The following MYO3B variants were observed in gnomAD, a reference collection of about 807,000 sequenced individuals.
The protein encoded by MYO3B is myosin IIIB.
A neutral mutation model predicts 174.6 loss-of-function variants in MYO3B; 156 were observed. That is an observed-to-expected ratio of 0.89 (90% confidence interval 0.78 to 1.02). The LOEUF (loss-of-function observed/expected upper bound fraction) is 1.02. MYO3B is among the 50% of genes least tolerant of loss of function. The pLI is 0.00. For missense variants in MYO3B, 1,632 were observed against 1,639.4 expected, an observed-to-expected ratio of 1.00 and a Z score of 0.08; for synonymous variants, 563 against 569.1, an observed-to-expected ratio of 0.99 and a Z score of 0.15.
chr2:170,614,217 A>C (rs919764759), intron 32 of MYO3B, among the ~76,000 whole-genome samples: 1 of 152,056 alleles, frequency 6.6e-6, no homozygotes, highest in African/African-American at 2.4e-5. Context: ...TAAGTGATTT[A>C]TTTTTTTCTG....
At chr2:170,318,151 A>G (rs1271071552) in intron 7 of MYO3B, among the ~76,000 whole-genome samples, 1 of 152,338 alleles carries the variant, frequency 6.6e-6, no homozygotes, top group East Asian at 1.9e-4. Context: ...TAAAATATAA[A>G]GCATCATTAG....
intron 22 of MYO3B, among the ~76,000 whole-genome samples, chr2:170,427,595 A>C (rs1466854249): frequency 6.6e-6 from 1 of 152,180 alleles, no homozygotes; most frequent in East Asian, 1.9e-4. Flanking sequence ...AATGCTGGCC[A>C]ATTGGGCACA....
intron 22 of MYO3B, among the ~76,000 whole-genome samples, chr2:170,439,175 A>G (rs1490986842): frequency 6.7e-6 from 1 of 149,906 alleles, no homozygotes; most frequent in Non-Finnish European, 1.5e-5. Flanking sequence ...GATTGAGTCC[A>G]GCCTGGCTAA....
At chr2:170,582,890 T>G (rs16858799) in intron 32 of MYO3B, among the ~76,000 whole-genome samples, 9,851 of 151,890 alleles carry the variant, frequency 0.065, 577 homozygotes, top group African/African-American at 0.15. Flanking sequence ...TCTCTGGAGG[T>G]CAACAGATCC....
chr2:170,563,344 C>A lies in MYO3B; in HGVS notation c.3733+19356C>A, dbSNP rs547679104. 3.9e-5 allele frequency among the ~76,000 whole-genome samples: 6 copies of A among 152,176 alleles called. No individual in the cohort carries two copies. The South Asian group carries it at 1.2e-3, about 32-fold the overall frequency. ...CCATTACCACATACACGTAAAGGAG[C>A]AAGAAGAGAGCATGGCATCTGGAAT... On this transcript the variant is annotated intron_variant, in intron 32 of 34. Transcript: ENST00000408978.
In MYO3B at chr2:170,189,335, A is replaced by G. The variant is rs143217486; in HGVS notation, c.3-9873A>G. 4.3e-3 allele frequency among the ~76,000 whole-genome samples: 654 copies of G among 152,040 alleles called. 32 individuals are homozygous for G. In the East Asian group the frequency reaches 0.096, roughly 22 times the overall value. ...GGTTAAATCAGCTTGGTGTTCTATA[A>G]TCTTCTTGTACTTGAATATTGATAT... is the stretch of plus-strand genomic sequence containing the variant. On this transcript the variant is annotated intron_variant, in intron 1 of 34. Coordinates refer to ENST00000408978, the MANE Select transcript of MYO3B (RefSeq NM_138995.5).
At chr2:170,271,148 A>G (rs549854405) in intron 7 of MYO3B, among the ~76,000 whole-genome samples, 1 of 152,304 alleles carries the variant, frequency 6.6e-6, no homozygotes, top group East Asian at 1.9e-4. Flanking sequence ...GAAATGAGAA[A>G]GACTTCTTCC....
intron 22 of MYO3B, among the ~76,000 whole-genome samples, chr2:170,439,394 AT>A (rs142181495): frequency 6.6e-6 from 1 of 151,450 alleles, no homozygotes; most frequent in Admixed American, 6.6e-5. Flanking sequence ...AATAATAATA[AT>A]TTTTTGTTAT....
At chr2:170,581,373 A>G (rs1239928650) in intron 32 of MYO3B, among the ~76,000 whole-genome samples, 1 of 152,136 alleles carries the variant, frequency 6.6e-6, no homozygotes, top group Non-Finnish European at 1.5e-5. Flanking sequence ...GTGGCTATTA[A>G]TTATTTGCAG....
At chr2:170,417,486 C>A (rs1329142250) in intron 22 of MYO3B, among the ~76,000 whole-genome samples, 1 of 152,200 alleles carries the variant, frequency 6.6e-6, no homozygotes, top group African/African-American at 2.4e-5. Flanking sequence ...ATCTAAGGCT[C>A]TGTATTAGTA....
At chr2:170,424,634 A>G (rs2094646687) in intron 22 of MYO3B, among the ~76,000 whole-genome samples, 2 of 152,148 alleles carry the variant, frequency 1.3e-5, no homozygotes, top group African/African-American at 2.4e-5. Flanking sequence ...AAGAAAAACT[A>G]AAACAAACTT....
intron 7 of MYO3B, among the ~76,000 whole-genome samples, chr2:170,318,884 CA>C (rs2093795181): frequency 6.6e-6 from 1 of 152,080 alleles, no homozygotes; most frequent in African/African-American, 2.4e-5. Flanking sequence ...GTGGTGTGAC[CA>C]TAGTGTAATT....
intron 7 of MYO3B, among the ~76,000 whole-genome samples, chr2:170,331,277 A>G (rs2093909919): frequency 6.6e-6 from 1 of 152,232 alleles, no homozygotes; most frequent in African/African-American, 2.4e-5. Context: ...GGCAGTGTGC[A>G]TCTGCTGAAG....
At chr2:170,216,735 C>T (rs560933028) in intron 5 of MYO3B, among the ~76,000 whole-genome samples, 7 of 152,154 alleles carry the variant, frequency 4.6e-5, no homozygotes, top group Admixed American at 3.9e-4. Context: ...ATAGTGCAGC[C>T]GATCTTCTTT....
chr2:170,273,629 C>T (rs1443274757), intron 7 of MYO3B, among the ~76,000 whole-genome samples: 2 of 152,106 alleles, frequency 1.3e-5, no homozygotes, highest in African/African-American at 4.8e-5. Context: ...CTCTCACGTA[C>T]TTCATCTTCC....
At chr2:170,399,128 G>C (rs2094458160) in intron 16 of MYO3B, among the ~76,000 whole-genome samples, 1 of 151,782 alleles carries the variant, frequency 6.6e-6, no homozygotes, top group South Asian at 2.1e-4. Flanking sequence ...TGTAATCTCA[G>C]CTAATCGGGA....
intron 7 of MYO3B, among the ~76,000 whole-genome samples, chr2:170,291,306 C>T (rs72889449): frequency 0.013 from 1,373 of 109,640 alleles, 15 homozygotes; most frequent in Non-Finnish European, 0.019. Flanking sequence ...AGACAATCTA[C>T]GCTTTAACTG....
chr2:170,230,822 C>A (rs2093007632), intron 6 of MYO3B, among the ~76,000 whole-genome samples: 1 of 152,106 alleles, frequency 6.6e-6, no homozygotes, highest in Admixed American at 6.5e-5. Context: ...TTTTCATAAG[C>A]AGTGCTTCGG....
chr2:170,481,948 T>A (rs1170867233), intron 25 of MYO3B, among the ~76,000 whole-genome samples: 1 of 152,166 alleles, frequency 6.6e-6, no homozygotes, highest in Admixed American at 6.5e-5. Flanking sequence ...TCTTAATCCT[T>A]ACATTACGAA....
Sources: gnomAD v4.1 joint callset for allele counts (sites outside exome capture counted in the v4.1 genomes callset) on GRCh38, gnomAD v4.1.1 for gene constraint, MANE v1.5 for transcripts, NCBI Gene and HGNC (gene_info 2026-07-23, HGNC 2026-07-21) for gene names.